CELF2: variants seen among roughly 807,000 people sequenced by gnomAD.
The protein encoded by CELF2 is CUG triplet repeat RNA-binding protein 2.
Under a neutral mutation model 62.6 loss-of-function variants are expected in CELF2, and 8 were observed. That is an observed-to-expected ratio of 0.13 (90% CI 0.07 to 0.23). The LOEUF is 0.23. Among genes scored for constraint, CELF2 ranks in the 10% least tolerant of loss-of-function variants. CELF2 has a pLI of 1.00. For synonymous variants in CELF2, 258 were observed against 250.0 expected, an observed-to-expected ratio of 1.03 and a Z score of -0.30; for missense variants, 333 against 671.0, an observed-to-expected ratio of 0.50 and a Z score of 5.56.
At chr10:10,883,972 C>G (rs538231978) in intron 1 of CELF2, among the ~76,000 whole-genome samples, 17 of 151,598 alleles carry the variant, frequency 1.1e-4, no homozygotes, top group Non-Finnish European at 1.9e-4. Flanking sequence ...TACTTTTGTC[C>G]TCCTCTCTCT....
chr10:11,180,414 G>A (rs1295746328), intron 2 of CELF2, among the ~76,000 whole-genome samples: 1 of 152,204 alleles, frequency 6.6e-6, no homozygotes, highest in African/African-American at 2.4e-5. Flanking sequence ...TCTGCAGGAT[G>A]AACAGGGCCG....
intron 1 of CELF2, among the ~76,000 whole-genome samples, chr10:11,162,018 C>CAGG: frequency 6.6e-6 from 1 of 152,140 alleles, no homozygotes; most frequent in African/African-American, 2.4e-5. Context: ...GTTGGGAGTC[C>CAGG]AGAGCAGGAT....
chr10:11,012,151 T>C lies in CELF2; in HGVS notation c.53+6711T>C, dbSNP rs952189099. On this transcript the variant is annotated intron_variant, in intron 1 of 12. Coordinates refer to the CELF2 transcript ENST00000416382. The surrounding 1 kb of genome is among the most constrained non-coding windows in gnomAD (Gnocchi z 5.5). ...ATTGTCAATCAACTCTTTGACAGAATGAAATGCTGAATCCAACAAGTCTGG... is the reference window on the plus strand; with the variant it reads ...ATTGTCAATCAACTCTTTGACAGAACGAAATGCTGAATCCAACAAGTCTGG... 6.6e-6 allele frequency among the ~76,000 whole-genome samples: 1 copy of C among 152,200 alleles called. No individual in the cohort carries two copies. The highest frequency in any genetic ancestry group is 1.5e-5 in the Non-Finnish European group (1 of 68,030).
intron 9 of CELF2, among the ~76,000 whole-genome samples, chr10:11,310,659 G>A (rs1014699705): frequency 6.6e-6 from 1 of 151,730 alleles, no homozygotes; most frequent in African/African-American, 2.4e-5. Flanking sequence ...ATGTGCGAGG[G>A]ATAGTTTTTA....
At chr10:10,980,659 C>G (rs2051983315) in intron 2 of CELF2, among the ~76,000 whole-genome samples, 1 of 152,236 alleles carries the variant, frequency 6.6e-6, no homozygotes, top group Non-Finnish European at 1.5e-5. Context: ...CACATGATCT[C>G]CTAACGGTCT....
At chr10:11,086,364 G>C (rs1239976155) in intron 1 of CELF2, among the ~76,000 whole-genome samples, 1 of 152,066 alleles carries the variant, frequency 6.6e-6, no homozygotes, top group South Asian at 2.1e-4. Flanking sequence ...CTGCGTCTTT[G>C]TGTCTGCTCC....
At chr10:10,746,617 G>C in the CELF2 span, among the ~76,000 whole-genome samples, 1 of 152,188 alleles carries the variant, frequency 6.6e-6, no homozygotes, top group East Asian at 1.9e-4. Context: ...CTCTGCTTAA[G>C]ACTGAACAGA....
chr10:11,142,344 A>C (rs183205823), intron 1 of CELF2, among the ~76,000 whole-genome samples: 9 of 152,236 alleles, frequency 5.9e-5, no homozygotes, highest in African/African-American at 2.2e-4. Flanking sequence ...TGAAAGTATC[A>C]GTTGGATCCA....
At chr10:11,036,685 A>G (rs2061005181) in intron 1 of CELF2, among the ~76,000 whole-genome samples, 1 of 152,216 alleles carries the variant, frequency 6.6e-6, no homozygotes, top group South Asian at 2.1e-4. Context: ...GGAAGATGAT[A>G]TCCCTGGATC....
chr10:10,818,546 C>CTTTTTT (rs3028992), intron 1 of CELF2, among the ~76,000 whole-genome samples: 2 of 116,536 alleles, frequency 1.7e-5, no homozygotes, highest in Non-Finnish European at 3.4e-5. Context: ...TAAATATTTC[C>CTTTTTT]TTTTTTTTTT....
intron 1 of CELF2, among the ~76,000 whole-genome samples, chr10:10,917,343 T>C (rs984213277): frequency 6.6e-6 from 1 of 152,208 alleles, no homozygotes; most frequent in African/African-American, 2.4e-5. Context: ...TTGTTTTGTT[T>C]TGTTTTTAAG....
chr10:10,862,686 A>C (rs926219066), intron 1 of CELF2, among the ~76,000 whole-genome samples: 2 of 152,194 alleles, frequency 1.3e-5, no homozygotes, highest in Non-Finnish European at 2.9e-5. Flanking sequence ...AGCTGTGTTC[A>C]ATCATTTGCA....
At chr10:11,261,113 C>T (rs1424441569) in intron 5 of CELF2, among the ~76,000 whole-genome samples, 1 of 152,216 alleles carries the variant, frequency 6.6e-6, no homozygotes, top group Admixed American at 6.5e-5. Context: ...GTTTTAAAAT[C>T]AAACTCTTGG....
chr10:10,622,732 TGAA>T, the CELF2 span, among the ~76,000 whole-genome samples: 57 of 151,428 alleles, frequency 3.8e-4, 1 homozygote, highest in South Asian at 0.012. Flanking sequence ...AGTAATGAGG[TGAA>T]GGAGAGGAGT....
At position 11,008,487 on chromosome 10, in the gene CELF2, A is replaced by G. The variant is rs970503354; in HGVS notation, c.53+3047A>G. On this transcript the variant is annotated intron_variant, in intron 1 of 12. Transcript: ENST00000416382. This position sits in a 1 kb window ranked among gnomAD's most constrained non-coding sequence, Gnocchi z 4.5. Reference sequence around the variant, plus strand: ...TTGGGGCTGAAAAACGAAAGTGAGCATTTGATTAGTATTCATATCTAGAAC... The same window carrying G: ...TTGGGGCTGAAAAACGAAAGTGAGCGTTTGATTAGTATTCATATCTAGAAC... Among the ~76,000 whole-genome samples, 3 of 152,228 alleles carry G rather than the reference A, an allele frequency of 2.0e-5. No individual in the cohort carries two copies. The highest frequency in any genetic ancestry group is 4.4e-5 in the Non-Finnish European group (3 of 68,042).
Position 11,117,015 on chromosome 10 carries a change from A to T in CELF2, c.75-48471A>T, listed in dbSNP as rs2056702125. On this transcript the variant is annotated intron_variant, in intron 1 of 12. Coordinates refer to ENST00000633077, the MANE Select transcript of CELF2 (RefSeq NM_001326342.2). This position sits in a 1 kb window ranked among gnomAD's most constrained non-coding sequence, Gnocchi z 4.1. ...TTGGGCACAGTTAAGTCATGTGCCC[A>T]GGATCACACAGCTGGTAATGGCAGA... Among the ~76,000 whole-genome samples, 1 of 152,214 alleles carries T rather than the reference A, an allele frequency of 6.6e-6. No homozygotes were observed. The highest frequency in any genetic ancestry group is 2.4e-5 in the African/African-American group (1 of 41,448).
the CELF2 span, among the ~76,000 whole-genome samples, chr10:10,605,664 G>A: frequency 0.28 from 42,873 of 152,022 alleles, 6,402 homozygotes; most frequent in South Asian, 0.51. Context: ...CATTGTATAT[G>A]CATGCTTAAG....
At chr10:10,708,196 A>T in the CELF2 span, among the ~76,000 whole-genome samples, 2 of 152,212 alleles carry the variant, frequency 1.3e-5, no homozygotes, top group Non-Finnish European at 2.9e-5. Context: ...ACAGTATTTC[A>T]TTGCACTGGC....
chr10:11,284,841 A>ATGGGTGGATGATAGG (rs1225439945), intron 8 of CELF2, among the ~76,000 whole-genome samples: 1 of 139,634 alleles, frequency 7.2e-6, no homozygotes, highest in Non-Finnish European at 1.5e-5. Context: ...TAATGGATGG[A>ATGGGTGGATGATAGG]TGGGTGGATG....
Sources: allele counts gnomAD v4.1 joint callset (sites outside exome capture counted in the v4.1 genomes callset), GRCh38; gene constraint gnomAD v4.1.1; non-coding constraint Gnocchi (gnomAD v3.1); transcripts MANE v1.5; gene names NCBI Gene and HGNC (gene_info 2026-07-23, HGNC 2026-07-21).